The following CDHR4 variants were observed in gnomAD, a reference collection of about 807,000 sequenced individuals.
CDHR4 encodes cadherin related family member 4, also known as cadherin-related family member 4.
A neutral mutation model predicts 88.4 loss-of-function variants in CDHR4; 89 were observed. The observed-to-expected ratio is 1.01, with a 90% CI of 0.85 to 1.20. The LOEUF is 1.20. Among genes scored for constraint, CDHR4 ranks in the 50% most tolerant of loss-of-function variants. The pLI is 0.00. For synonymous variants in CDHR4, 368 were observed against 399.2 expected (o/e 0.92, Z 0.93); for missense variants, 914 against 1,007.2 (o/e 0.91, Z 1.25).
Position 49,794,607 on chromosome 3 carries a change from C to A in CDHR4, c.1279+1G>T. On this transcript the variant is annotated splice_donor_variant, in intron 10 of 18. Transcript: ENST00000412678. LOFTEE classifies it high-confidence loss of function. Reference sequence around the variant, plus strand: ...TGTCCAGGCCGGGTGTGGTCACTCACTGGTCATCTGGGGCTGGCCACCATC... The same window carrying A: ...TGTCCAGGCCGGGTGTGGTCACTCAATGGTCATCTGGGGCTGGCCACCATC... The A allele has an allele frequency of 1.3e-6, 2 of 1,549,718 alleles. No homozygotes were observed. Among genetic ancestry groups the A allele is most frequent in the Non-Finnish European group, 1.7e-6 (2 of 1,146,192 alleles).
At position 49,793,723 on chromosome 3, in the gene CDHR4, C is replaced by T; in HGVS notation, c.1484-1G>A. The T allele has an allele frequency of 6.4e-7, 1 of 1,551,710 alleles. No individual in the cohort carries two copies. The highest frequency in any genetic ancestry group is 8.7e-7 in the Non-Finnish European group (1 of 1,146,968). On this transcript the variant is annotated splice_acceptor_variant, in intron 11 of 18. Transcript: ENST00000412678. LOFTEE classifies it high-confidence loss of function. ...AAAGGTCCCAGGAGGTGAACTTCCC[C>T]TAGAGGGGGAGACCACAGCTTCAGC...
rs373638268 is a variant in CDHR4, at chr3:49,795,121, C to A, written c.1032-21G>T. 6 of 1,551,580 alleles carry A rather than the reference C, an allele frequency of 3.9e-6. No homozygotes were observed. ...GGGACCTGAGAGTATGCAGTGGCAG[C>A]AAGGCAGGAGTCTGGCAGTACCCTG... On this transcript the variant is annotated intron_variant, in intron 8 of 18. Coordinates refer to ENST00000412678, the MANE Select transcript of CDHR4 (RefSeq NM_001007540.4). The surrounding 1 kb of genome is among the most constrained non-coding windows in gnomAD (Gnocchi z 5.4).
intron 11 of CDHR4, 29 bp from the exon 12 acceptor site, chr3:49,793,751 G>A (rs1257776697): frequency 1.9e-6 from 3 of 1,551,472 alleles, no homozygotes; most frequent in African/African-American, 2.7e-5. Flanking sequence ...GCTTCAGCCT[G>A]CAGGGCCAAC....
At position 49,793,889 on chromosome 3, in the gene CDHR4, A is replaced by G. The variant is rs1156542501; in HGVS notation, c.1397T>C (p.Val466Ala). 1 of 1,551,644 alleles carries G rather than the reference A, an allele frequency of 6.4e-7. No homozygotes were observed. The highest frequency in any genetic ancestry group is 1.4e-5 in the African/African-American group (1 of 73,074). Residue 466 changes from valine (V) to alanine (A), a missense_variant, in exon 11 of 19, where the codon GTG (valine) becomes GCG (alanine). Coordinates refer to ENST00000412678, the MANE Select transcript of CDHR4 (RefSeq NM_001007540.4). Reference sequence around the variant, plus strand: ...ATGAGGGTAATCCATATCCGTGCCCACCACGGAGCCCAGTAGAGTGTGGGG... The same window carrying G: ...ATGAGGGTAATCCATATCCGTGCCCGCCACGGAGCCCAGTAGAGTGTGGGG... ...AAPHTLLGSVVGTDMDYPHDN... is the reference protein window; with the variant it reads ...AAPHTLLGSVAGTDMDYPHDN...
chr3:49,799,916 G>C (rs1420437148), upstream of CDHR4: 1 of 1,160,630 alleles, frequency 8.6e-7, no homozygotes, highest in Non-Finnish European at 1.3e-6. Flanking sequence ...CTGGGCAGGC[G>C]GGACTCCTGG....
At chr3:49,794,305 G>A (rs1326067063) in intron 10 of CDHR4, among the ~76,000 whole-genome samples, 6 of 152,146 alleles carry the variant, frequency 3.9e-5, no homozygotes, top group Non-Finnish European at 8.8e-5. Flanking sequence ...GGCTGAGGCA[G>A]GAGAATGGCG....
intron 18 of CDHR4, 99 bp downstream of exon 18, chr3:49,791,342 G>A (rs942027344): frequency 1.5e-6 from 2 of 1,314,142 alleles, no homozygotes; most frequent in African/African-American, 3.0e-5. Flanking sequence ...TGGGTTCCTG[G>A]GAGTAGGAGG....
upstream of CDHR4, among the ~76,000 whole-genome samples, chr3:49,802,115 T>A (rs536304533): frequency 6.6e-6 from 1 of 152,094 alleles, no homozygotes; most frequent in Non-Finnish European, 1.5e-5. Flanking sequence ...CTGCCTAGAA[T>A]GTTCTTCTTC....
chr3:49,799,327 C>T lies in CDHR4; in HGVS notation c.160G>A (p.Glu54Lys), dbSNP rs2081327117. 2 of 1,613,780 alleles carry T rather than the reference C, an allele frequency of 1.2e-6. No homozygotes were observed. The highest frequency in any genetic ancestry group is 1.7e-5 in the Admixed American group (1 of 59,974). ...GTGGGTGGCTGGACATTGAGCAACT[C>T]CAGGGTGGGTGTGGGCGTGTAGGAG... is the stretch of plus-strand genomic sequence containing the variant. ...CSSYTPTPTL[E>K]LLNVQPPTTF... The change falls in exon 2 of 19, where the codon GAG (glutamate) becomes AAG (lysine). Residue 54 changes from glutamate (E) to lysine (K), a missense_variant. Coordinates refer to ENST00000412678, the MANE Select transcript of CDHR4 (RefSeq NM_001007540.4).
intron 5 of CDHR4, 96 bp from the exon 6 acceptor site, chr3:49,796,142 G>T: frequency 1.3e-6 from 1 of 785,182 alleles, no homozygotes; most frequent in South Asian, 2.0e-5. Flanking sequence ...CCTCACTTAG[G>T]ATCTCCAAAA....
rs187593676 is a variant in CDHR4 at position 49,798,932 on chromosome 3, G to C, written c.404-15C>G. ...CATTTCCCCAGCTGGCCAGAGTGGAGGTCAGGGAGGATCTGCTCAGGCCAT... is the reference window on the plus strand; with the variant it reads ...CATTTCCCCAGCTGGCCAGAGTGGACGTCAGGGAGGATCTGCTCAGGCCAT... On this transcript the variant is annotated splice_polypyrimidine_tract_variant and intron_variant, in intron 3 of 18. Coordinates refer to ENST00000412678, the MANE Select transcript of CDHR4 (RefSeq NM_001007540.4). 4.2e-4 allele frequency: 678 copies of C among 1,612,312 alleles called. 5 individuals carry two copies. In the East Asian group the frequency reaches 0.013, roughly 31 times the overall value.
At chr3:49,802,670 C>A (rs1279978693), upstream of CDHR4, among the ~76,000 whole-genome samples, 1 of 152,234 alleles carries the variant, frequency 6.6e-6, no homozygotes, top group African/African-American at 2.4e-5. Flanking sequence ...GCACCTGGTA[C>A]CGGCAAAGGG....
upstream of CDHR4, among the ~76,000 whole-genome samples, chr3:49,800,216 C>T (rs1256082427): frequency 1.3e-5 from 2 of 152,024 alleles, no homozygotes; most frequent in Non-Finnish European, 2.9e-5. Flanking sequence ...AAAAATGAGC[C>T]CAACCGTCAA....
chr3:49,798,096 CAG>C (rs1329297496), intron 4 of CDHR4: 1 of 151,140 alleles, frequency 6.6e-6, no homozygotes, highest in Non-Finnish European at 1.5e-5. Context: ...TTAGTAAAGA[CAG>C]AGTCTCACCA....
chr3:49,802,601 A>G (rs1353980983), upstream of CDHR4, among the ~76,000 whole-genome samples: 3 of 152,106 alleles, frequency 2.0e-5, no homozygotes, highest in African/African-American at 7.2e-5. Flanking sequence ...GTCTGCAGCT[A>G]CACTACCCTT....
intron 5 of CDHR4, among the ~76,000 whole-genome samples, chr3:49,796,721 G>T (rs998093139): frequency 2.6e-5 from 4 of 152,168 alleles, no homozygotes; most frequent in African/African-American, 7.2e-5. Context: ...CAGAGAGAGG[G>T]ATTCCTCTTC....
rs949291183 is a variant in CDHR4 at position 49,793,653 on chromosome 3, A to G, written c.1553T>C (p.Ile518Thr). 5 of 1,551,624 alleles carry G rather than the reference A, an allele frequency of 3.2e-6. No homozygotes were observed. The highest frequency in any genetic ancestry group is 4.4e-6 in the Non-Finnish European group (5 of 1,147,000). The change falls in exon 12 of 19, where the codon ATT becomes ACT. Residue 518 changes from isoleucine to threonine, a missense_variant. Ile to Thr is a moderately conservative substitution (Grantham distance 89). Coordinates refer to ENST00000412678, the MANE Select transcript of CDHR4 (RefSeq NM_001007540.4). ...QRLYRLTVLV[I>T]DHGQDQNPNH... ...GGGGTTCTGGTCTTGGCCATGGTCA[A>G]TCACAAGGACAGTGAGCCTGTACAG...
chr3:49,791,085 C>A (rs2081172153), intron 18 of CDHR4, among the ~76,000 whole-genome samples, 198 bp from the exon 19 acceptor site: 1 of 152,186 alleles, frequency 6.6e-6, no homozygotes, highest in Non-Finnish European at 1.5e-5. Context: ...GCACAGGAAG[C>A]CTCCTTGATT....
chr3:49,791,786 C>G lies in CDHR4; in HGVS notation c.2211G>C (p.Glu737Asp). ...CCTCCAGGAAACCCTCGATGGATCC[C>G]TCAGTTCCCTGGATGCTGGGGCAAA... ...ALLLNSIQGT[E>D]GSIEGFLEAP... Residue 737 changes from glutamate to aspartate, a missense_variant, in exon 17 of 19, where the codon GAG (glutamate) becomes GAC (aspartate). Glu to Asp is a conservative substitution (Grantham distance 45). Transcript: ENST00000412678. 16 of 1,551,704 alleles carry G rather than the reference C, an allele frequency of 1.0e-5. No individual in the cohort carries two copies. The highest frequency in any genetic ancestry group is 1.4e-5 in the African/African-American group (1 of 73,172).
Sources: allele counts gnomAD v4.1 joint callset (sites outside exome capture counted in the v4.1 genomes callset), GRCh38; gene constraint gnomAD v4.1.1; non-coding constraint Gnocchi (gnomAD v3.1); transcripts MANE v1.5; gene names NCBI Gene and HGNC (gene_info 2026-07-23, HGNC 2026-07-21).